The following WDR26 variants were observed in gnomAD, a reference collection of about 807,000 sequenced individuals.
WDR26 encodes WD repeat domain 26, also known as WD repeat-containing protein 26.
A neutral mutation model predicts 84.1 loss-of-function variants in WDR26; 5 were observed. That is an observed-to-expected ratio of 0.06 (90% CI 0.03 to 0.13). The LOEUF is 0.13. Ranked by LOEUF, WDR26 falls within the 10% of genes least tolerant of loss-of-function variation. WDR26 has a pLI of 1.00. For synonymous variants in WDR26, 415 were observed against 389.6 expected, an observed-to-expected ratio of 1.07 and a Z score of -0.77; for missense variants, 642 against 974.9, an observed-to-expected ratio of 0.66 and a Z score of 4.55.
chr1:224,434,222 AGG>A lies in WDR26; in HGVS notation c.182_183del (p.Ser61PhefsTer30). On this transcript the variant is annotated frameshift_variant, in exon 1 of 14. Transcript: ENST00000414423. LOFTEE classifies it high-confidence loss of function. The stretch of plus-strand genomic sequence containing the variant: ...ACCACCACGGAGGAGGAGGAGGAGG[AGG>A]AGGACGAGGACGACGAGGACGGAGG... 1 of 1,393,254 alleles carries A rather than the reference AGG, an allele frequency of 7.2e-7. No individual in the cohort carries two copies. The allele number at this position is 1,393,254 out of a possible 1,614,324, so 86.3% of individuals were successfully genotyped here.
chr1:224,417,889 G>A (rs1379118128), intron 6 of WDR26, among the ~76,000 whole-genome samples: 1 of 152,130 alleles, frequency 6.6e-6, no homozygotes, highest in Non-Finnish European at 1.5e-5. Flanking sequence ...AATAGCTGTT[G>A]TTCTAGCCAT....
chr1:224,432,732 T>C (rs184852425), intron 1 of WDR26, among the ~76,000 whole-genome samples: 20 of 152,336 alleles, frequency 1.3e-4, no homozygotes, highest in African/African-American at 2.6e-4. Context: ...GAGAGCTTAA[T>C]CTACACTCTG....
chr1:224,396,825 G>T (rs1410040613), intron 12 of WDR26, among the ~76,000 whole-genome samples: 1 of 150,180 alleles, frequency 6.7e-6, no homozygotes, highest in Non-Finnish European at 1.5e-5. Context: ...TTGAGGGGCT[G>T]AGGAGGGAAG....
chr1:224,403,155 C>T (rs1038509703), intron 8 of WDR26, among the ~76,000 whole-genome samples: 2 of 151,886 alleles, frequency 1.3e-5, no homozygotes, highest in East Asian at 1.9e-4. Context: ...TGGGTTCAAG[C>T]GATTCTCCTG....
At chr1:224,427,383 C>T (rs371964326) in intron 3 of WDR26, among the ~76,000 whole-genome samples, 33 of 151,974 alleles carry the variant, frequency 2.2e-4, no homozygotes, top group East Asian at 9.6e-4. Flanking sequence ...CCAATGTGTG[C>T]AGGGACAGTG....
At position 224,398,104 on chromosome 1, in the gene WDR26, G is replaced by A; in HGVS notation, c.2067C>T (p.Gly689=). ...GATAAGGACACAATTTACCTTCACT[G>A]CCACTAGCGATGAAGTCTTCATTAT... Residue 689 remains glycine, a synonymous_variant, in exon 12 of 14, where the codon GGC becomes GGT. Coordinates refer to ENST00000414423, the MANE Select transcript of WDR26 (RefSeq NM_001379403.1). 1 of 1,612,694 alleles carries A rather than the reference G, an allele frequency of 6.2e-7. No homozygotes were observed. Among genetic ancestry groups the A allele is most frequent in the African/African-American group, 1.3e-5 (1 of 74,928 alleles).
intron 12 of WDR26, among the ~76,000 whole-genome samples, chr1:224,395,459 G>C (rs1673233967): frequency 6.6e-6 from 1 of 152,180 alleles, no homozygotes; most frequent in Non-Finnish European, 1.5e-5. Flanking sequence ...AAGATAAAAA[G>C]CTGGAACTGT....
At chr1:224,409,014 G>A (rs1673658658) in intron 7 of WDR26, among the ~76,000 whole-genome samples, 1 of 151,986 alleles carries the variant, frequency 6.6e-6, no homozygotes, top group Non-Finnish European at 1.5e-5. Flanking sequence ...AATTAACAAG[G>A]TAGTATTAGG....
chr1:224,432,877 A>C (rs1468080823), intron 1 of WDR26, among the ~76,000 whole-genome samples: 2 of 152,208 alleles, frequency 1.3e-5, no homozygotes, highest in Non-Finnish European at 2.9e-5. Context: ...TGTGTATACA[A>C]AACGGTGGTT....
At chr1:224,423,124 A>G (rs1254159293) in intron 4 of WDR26, among the ~76,000 whole-genome samples, 1 of 152,214 alleles carries the variant, frequency 6.6e-6, no homozygotes, top group Non-Finnish European at 1.5e-5. Flanking sequence ...ACCTTGCTGA[A>G]CTTGCCTATT....
intron 12 of WDR26, 70 bp downstream of exon 12, chr1:224,398,027 A>G: frequency 6.4e-7 from 1 of 1,561,438 alleles, no homozygotes; most frequent in Non-Finnish European, 8.6e-7. Flanking sequence ...TGGAGACATG[A>G]CTGCCTTCAT....
chr1:224,420,296 A>C (rs1674023418), intron 4 of WDR26, among the ~76,000 whole-genome samples: 1 of 152,182 alleles, frequency 6.6e-6, no homozygotes, highest in African/African-American at 2.4e-5. Flanking sequence ...AGAATACATG[A>C]GGGGCCCCTG....
intron 8 of WDR26, among the ~76,000 whole-genome samples, chr1:224,401,578 G>A (rs1572169177): frequency 6.8e-6 from 1 of 147,908 alleles, no homozygotes; most frequent in South Asian, 2.1e-4. Flanking sequence ...AGAGGCTTAG[G>A]CACGAGAATC....
At chr1:224,406,781 G>T (rs1194260840) in intron 7 of WDR26, among the ~76,000 whole-genome samples, 1 of 151,338 alleles carries the variant, frequency 6.6e-6, no homozygotes, top group African/African-American at 2.5e-5. Context: ...TACTGCCCCA[G>T]ATCAACACAA....
chr1:224,389,429 C>T lies in WDR26; in HGVS notation c.*406G>A. On this transcript the variant is annotated 3_prime_UTR_variant, in exon 14 of 14. Coordinates refer to ENST00000414423, the MANE Select transcript of WDR26 (RefSeq NM_001379403.1). ...TACTCTTCAGACTAATGCACTCTTTCTATCAAGCCTTCTAAACTGTTAAAT... is the reference window on the plus strand; with the variant it reads ...TACTCTTCAGACTAATGCACTCTTTTTATCAAGCCTTCTAAACTGTTAAAT... 1 of 436,766 alleles carries T rather than the reference C, an allele frequency of 2.3e-6. No individual in the cohort carries two copies. Among genetic ancestry groups the T allele is most frequent in the Non-Finnish European group, 4.0e-6 (1 of 250,800 alleles). The allele number at this position is 436,766 out of a possible 1,614,324, so 27.1% of individuals were successfully genotyped here.
At chr1:224,391,385 A>AAAC (rs1673123946) in intron 13 of WDR26, among the ~76,000 whole-genome samples, 21 of 45,860 alleles carry the variant, frequency 4.6e-4, no homozygotes, top group East Asian at 1.2e-3. Context: ...AAAAAAAAAC[A>AAAC]AAAAAAAAAC....
Position 224,386,860 on chromosome 1 carries a change from G to GGGCA in WDR26, c.*2974_*2975insTGCC, listed in dbSNP as rs1673002168. 1 of 151,956 alleles carries GGGCA rather than the reference G, an allele frequency of 6.6e-6. No homozygotes were observed. The highest frequency in any genetic ancestry group is 1.5e-5 in the Non-Finnish European group (1 of 67,954). 9.4% of individuals were successfully genotyped at this position (151,956 alleles called of 1,614,324 possible). Reference sequence around the variant, plus strand: ...GCAACAGAAATGTAGCTGTTATGAAGACTAAAAAAATACAAAAACCAAAGC... The same window carrying GGGCA: ...GCAACAGAAATGTAGCTGTTATGAAGGGCAACTAAAAAAATACAAAAACCAAAGC... On this transcript the variant is annotated 3_prime_UTR_variant, in exon 14 of 14. Transcript: ENST00000414423.
intron 9 of WDR26, among the ~76,000 whole-genome samples, chr1:224,400,202 T>C (rs1339670875): frequency 6.6e-6 from 1 of 152,040 alleles, no homozygotes; most frequent in African/African-American, 2.4e-5. Flanking sequence ...TATTAGAAGC[T>C]GACACAAAGA....
intron 12 of WDR26, among the ~76,000 whole-genome samples, chr1:224,396,716 C>CA (rs1238086628): frequency 3.9e-5 from 6 of 152,072 alleles, no homozygotes; most frequent in Non-Finnish European, 7.4e-5. Flanking sequence ...CCCAGCACTT[C>CA]AGGAGGCTGA....
Sources: gnomAD v4.1 joint callset for allele counts (sites outside exome capture counted in the v4.1 genomes callset) on GRCh38, gnomAD v4.1.1 for gene constraint, MANE v1.5 for transcripts, NCBI Gene and HGNC (gene_info 2026-07-23, HGNC 2026-07-21) for gene names.